Variants in EYA4 observed in about 807,000 individuals in gnomAD.
EYA4 encodes the protein protein phosphatase EYA4.
In EYA4, 31 loss-of-function variants were observed where a neutral mutation model predicts 87.9. The ratio of observed to expected loss-of-function variants is 0.35; its 90% CI spans 0.27 to 0.48. EYA4 has a LOEUF of 0.48. EYA4 is among the 20% of genes least tolerant of loss of function. The pLI is 0.99. For missense variants in EYA4, 678 were observed against 761.4 expected (o/e 0.89, Z 1.29); for synonymous variants, 263 against 270.6 (o/e 0.97, Z 0.28).
intron 2 of EYA4, among the ~76,000 whole-genome samples, chr6:133,324,252 A>T (rs1781320488): frequency 6.6e-6 from 1 of 152,190 alleles, no homozygotes. Flanking sequence ...ACCAAAAATT[A>T]TGCTGTATTC....
intron 2 of EYA4, among the ~76,000 whole-genome samples, chr6:133,377,479 G>A (rs950066768): frequency 2.6e-5 from 4 of 151,386 alleles, no homozygotes; most frequent in Non-Finnish European, 4.4e-5. Flanking sequence ...GGATATCTCA[G>A]GCATTCAGTA....
intron 5 of EYA4, among the ~76,000 whole-genome samples, chr6:133,454,504 G>A (rs909296496): frequency 1.3e-5 from 2 of 152,148 alleles, no homozygotes; most frequent in Non-Finnish European, 2.9e-5. Context: ...GCTCTTACAA[G>A]CTTTGTGACT....
chr6:133,496,699 G>A (rs1387231885), intron 13 of EYA4, among the ~76,000 whole-genome samples: 2 of 152,130 alleles, frequency 1.3e-5, no homozygotes, highest in Admixed American at 6.6e-5. Flanking sequence ...TTCCTTCCAG[G>A]GGTTACGGGG....
intron 2 of EYA4, among the ~76,000 whole-genome samples, chr6:133,355,454 G>C (rs569257343): frequency 1.3e-5 from 2 of 152,248 alleles, no homozygotes; most frequent in East Asian, 3.9e-4. Context: ...TAATAGACTG[G>C]ATCAAGAAAA....
At chr6:133,360,248 T>A (rs953706305) in intron 2 of EYA4, 1 of 152,218 alleles carries the variant, frequency 6.6e-6, no homozygotes, top group African/African-American at 2.4e-5. Flanking sequence ...ACATACATAC[T>A]TAGTATCAAA....
chr6:133,309,670 A>G (rs966244976), intron 2 of EYA4, among the ~76,000 whole-genome samples: 5 of 152,202 alleles, frequency 3.3e-5, no homozygotes, highest in East Asian at 1.9e-4. Context: ...TAATGTACTA[A>G]CATGCCAACA....
At chr6:133,312,868 T>C (rs1780338200) in intron 2 of EYA4, among the ~76,000 whole-genome samples, 1 of 152,106 alleles carries the variant, frequency 6.6e-6, no homozygotes, top group African/African-American at 2.4e-5. Context: ...CATCTTGGGC[T>C]ATATTTCACT....
chr6:133,464,378 G>C (rs765503981), intron 9 of EYA4, among the ~76,000 whole-genome samples: 33 of 152,140 alleles, frequency 2.2e-4, no homozygotes, highest in Non-Finnish European at 4.4e-4. Flanking sequence ...TAAAAACCCT[G>C]TACAAATGTT....
intron 3 of EYA4, among the ~76,000 whole-genome samples, chr6:133,434,350 A>G (rs967245673): frequency 6.6e-6 from 1 of 152,246 alleles, no homozygotes; most frequent in Non-Finnish European, 1.5e-5. Context: ...TCTTAAGAAA[A>G]TGATTTTCTT....
chr6:133,294,023 T>TATATATATATATATATA (rs1778716379), intron 2 of EYA4, among the ~76,000 whole-genome samples: 1 of 78,780 alleles, frequency 1.3e-5, no homozygotes, highest in African/African-American at 5.2e-5. Context: ...TAGGGTGATT[T>TATATATATATATATATA]TATATATATA....
chr6:133,491,156 A>G (rs570150636), intron 13 of EYA4, among the ~76,000 whole-genome samples: 1 of 152,262 alleles, frequency 6.6e-6, no homozygotes, highest in Non-Finnish European at 1.5e-5. Flanking sequence ...CTTGAAAGAA[A>G]AAAGTGATAA....
intron 2 of EYA4, among the ~76,000 whole-genome samples, chr6:133,335,007 T>C (rs990221645): frequency 1.3e-5 from 2 of 152,264 alleles, no homozygotes; most frequent in Admixed American, 1.3e-4. Context: ...CCATTTGATA[T>C]AGCTTTTGCT....
At chr6:133,262,804 C>G (rs1200711182) in intron 1 of EYA4, among the ~76,000 whole-genome samples, 1 of 152,140 alleles carries the variant, frequency 6.6e-6, no homozygotes, top group Non-Finnish European at 1.5e-5. Flanking sequence ...ATAGACAGCT[C>G]AAAAATAGCT....
At chr6:133,389,274 C>T (rs1399135042) in intron 3 of EYA4, among the ~76,000 whole-genome samples, 4 of 152,180 alleles carry the variant, frequency 2.6e-5, no homozygotes, top group East Asian at 1.9e-4. Context: ...GGCTGCCAAA[C>T]TCCTGAAGAA....
intron 2 of EYA4, among the ~76,000 whole-genome samples, chr6:133,296,643 T>A (rs1778968805): frequency 6.6e-6 from 1 of 152,162 alleles, no homozygotes; most frequent in Non-Finnish European, 1.5e-5. Context: ...GAGAAGCTTT[T>A]CGGGAGGGAA....
chr6:133,456,683 A>G (rs751251770), intron 6 of EYA4, 35 bp downstream of exon 6: 1 of 1,272,404 alleles, frequency 7.9e-7, no homozygotes, highest in Admixed American at 1.7e-5. Context: ...TTACGTACAC[A>G]TGGGGGTGCA....
chr6:133,285,869 G>T (rs188863278), intron 2 of EYA4, among the ~76,000 whole-genome samples: 1 of 152,286 alleles, frequency 6.6e-6, no homozygotes, highest in Admixed American at 6.5e-5. Flanking sequence ...GATGGAGTTG[G>T]CATTGACTGA....
chr6:133,357,270 CAAAAAA>C (rs754202361), intron 2 of EYA4, among the ~76,000 whole-genome samples: 1,950 of 65,256 alleles, frequency 0.03, 36 homozygotes, highest in African/African-American at 0.11. Context: ...GACTCCGTCT[CAAAAAA>C]AAAAAAAAAA....
chr6:133,363,134 G>A (rs1784579169), intron 2 of EYA4: 1 of 152,504 alleles, frequency 6.6e-6, no homozygotes, highest in East Asian at 1.9e-4. Context: ...CTTACGGGTG[G>A]GGCCTTTGTT....
Sources: allele counts gnomAD v4.1 joint callset (sites outside exome capture counted in the v4.1 genomes callset), GRCh38; gene constraint gnomAD v4.1.1; transcripts MANE v1.5; gene names NCBI Gene and HGNC (gene_info 2026-07-23, HGNC 2026-07-21).